DIP2C: variants seen among roughly 807,000 people sequenced by gnomAD.
DIP2C encodes the protein disco-interacting protein 2 homolog C.
Under a neutral mutation model 192.4 loss-of-function variants are expected in DIP2C, and 33 were observed. The observed-to-expected ratio is 0.17, with a 90% CI of 0.13 to 0.23. The LOEUF (loss-of-function observed/expected upper bound fraction) is 0.23. Among genes scored for constraint, DIP2C ranks in the 10% least tolerant of loss-of-function variants. DIP2C has a pLI of 1.00. For missense variants in DIP2C, 1,537 were observed against 2,110.1 expected (o/e 0.73, Z 5.32); for synonymous variants, 979 against 864.1 (o/e 1.13, Z -2.33).
At chr10:357,241 C>CA (rs1363654621) in intron 23 of DIP2C, among the ~76,000 whole-genome samples, 1 of 152,228 alleles carries the variant, frequency 6.6e-6, no homozygotes, top group Non-Finnish European at 1.5e-5. Flanking sequence ...GCACAATGTG[C>CA]AAAGTCTGGG....
chr10:601,616 AC>A (rs1360928580), intron 1 of DIP2C, among the ~76,000 whole-genome samples: 1 of 152,184 alleles, frequency 6.6e-6, no homozygotes, highest in African/African-American at 2.4e-5. Flanking sequence ...GCCCACCCTA[AC>A]TGTCCTCTGT....
At chr10:388,135 G>C (rs1051002382) in intron 13 of DIP2C, among the ~76,000 whole-genome samples, 1 of 152,058 alleles carries the variant, frequency 6.6e-6, no homozygotes, top group African/African-American at 2.4e-5. Context: ...TTCCTCATGA[G>C]TCTCCCAGGA....
chr10:494,069 C>T (rs991038033), intron 1 of DIP2C, among the ~76,000 whole-genome samples: 21 of 152,298 alleles, frequency 1.4e-4, no homozygotes, highest in African/African-American at 4.3e-4. Flanking sequence ...TGGACCACCC[C>T]GAGGTGAGTG....
intron 32 of DIP2C, among the ~76,000 whole-genome samples, chr10:302,105 A>G (rs568155110): frequency 6.6e-6 from 1 of 152,240 alleles, no homozygotes; most frequent in Admixed American, 6.5e-5. Flanking sequence ...AAAACTATAA[A>G]CTAATAAGAA....
intron 1 of DIP2C, among the ~76,000 whole-genome samples, chr10:492,635 A>T (rs1040086866): frequency 1.3e-5 from 2 of 152,216 alleles, no homozygotes; most frequent in African/African-American, 4.8e-5. Context: ...CAAATATTTA[A>T]TTAACGGTAG....
At chr10:340,750 C>G in intron 29 of DIP2C, 1 of 457,584 alleles carries the variant, frequency 2.2e-6, no homozygotes, top group Non-Finnish European at 4.4e-6. Flanking sequence ...TGCCGCACCC[C>G]AGGGAACGCT....
At chr10:470,634 C>T (rs964729566) in intron 3 of DIP2C, among the ~76,000 whole-genome samples, 5 of 152,108 alleles carry the variant, frequency 3.3e-5, no homozygotes, top group African/African-American at 9.7e-5. Flanking sequence ...TGGCATGATC[C>T]GAAGGTAAAC....
intron 17 of DIP2C, among the ~76,000 whole-genome samples, chr10:382,248 C>G (rs1243258770): frequency 2.0e-5 from 3 of 152,116 alleles, no homozygotes; most frequent in Admixed American, 6.5e-5. Flanking sequence ...CCAGTAAATC[C>G]CACAGCACAT....
chr10:627,182 A>C (rs1035277288), intron 1 of DIP2C, among the ~76,000 whole-genome samples: 1 of 152,168 alleles, frequency 6.6e-6, no homozygotes, highest in Non-Finnish European at 1.5e-5. Flanking sequence ...CCTGCCCCAC[A>C]CACCAGGACT....
chr10:328,351 C>G (rs1957363777), intron 30 of DIP2C, among the ~76,000 whole-genome samples: 1 of 152,164 alleles, frequency 6.6e-6, no homozygotes, highest in Non-Finnish European at 1.5e-5. Flanking sequence ...AGCCTAAGAA[C>G]CTGGAAAGGT....
At chr10:516,934 G>A (rs1023891041) in intron 1 of DIP2C, among the ~76,000 whole-genome samples, 2 of 150,982 alleles carry the variant, frequency 1.3e-5, no homozygotes, top group Non-Finnish European at 3.0e-5. Flanking sequence ...TCCAGGCCCG[G>A]GGCCATCATC....
At chr10:455,261 G>A (rs900831387) in intron 3 of DIP2C, among the ~76,000 whole-genome samples, 1 of 152,146 alleles carries the variant, frequency 6.6e-6, no homozygotes, top group African/African-American at 2.4e-5. Context: ...GTCCCTGCCT[G>A]AGGAGTGGCC....
intron 1 of DIP2C, among the ~76,000 whole-genome samples, chr10:640,716 TGCGCGCGGGGAAGAGG>T (rs1855135606): frequency 8.0e-6 from 1 of 125,624 alleles, no homozygotes; most frequent in South Asian, 2.3e-4. Flanking sequence ...GGGAAGAGGC[TGCGCGCGGGGAAGAGG>T]GTGGGCGCCG....
chr10:503,362 C>A (rs1234811354), intron 1 of DIP2C, among the ~76,000 whole-genome samples: 1 of 152,220 alleles, frequency 6.6e-6, no homozygotes. Context: ...ATCGAACAGA[C>A]ACTTCAATGA....
chr10:624,218 G>A (rs1385813692), intron 1 of DIP2C, among the ~76,000 whole-genome samples: 2 of 152,218 alleles, frequency 1.3e-5, no homozygotes, highest in Non-Finnish European at 2.9e-5. Context: ...GGAAGGCCTG[G>A]GGCTCCCAGC....
intron 1 of DIP2C, among the ~76,000 whole-genome samples, chr10:584,566 G>A (rs1222706689): frequency 1.8e-5 from 2 of 110,782 alleles, no homozygotes; most frequent in East Asian, 2.9e-4. Context: ...CTAGTCTCGG[G>A]GCCCGCGACC....
At chr10:343,088 G>C (rs1958239018) in intron 28 of DIP2C, among the ~76,000 whole-genome samples, 1 of 152,158 alleles carries the variant, frequency 6.6e-6, no homozygotes. Context: ...AGGAGATCGA[G>C]AACATCCTGG....
rs570704809 is a variant in DIP2C at position 433,623 on chromosome 10, C to G, written c.394+7248G>C. 2.6e-5 allele frequency among the ~76,000 whole-genome samples: 4 copies of G among 152,218 alleles called. No homozygotes were observed. In the South Asian group the frequency reaches 8.3e-4, roughly 32 times the overall value. ...TTGAATCTGGGAGGCGGAGGTTGCA[C>G]TGAGATAAGATCGGGCTATTGCACT... On this transcript the variant is annotated intron_variant, in intron 4 of 36. Transcript: ENST00000280886.
At chr10:583,397 A>G (rs1393442920) in intron 1 of DIP2C, among the ~76,000 whole-genome samples, 2 of 152,376 alleles carry the variant, frequency 1.3e-5, no homozygotes, top group East Asian at 3.9e-4. Context: ...CCTGCATTAA[A>G]AGGCAATTCA....
Sources: gnomAD v4.1 joint callset for allele counts (sites outside exome capture counted in the v4.1 genomes callset) on GRCh38, gnomAD v4.1.1 for gene constraint, MANE v1.5 for transcripts, NCBI Gene and HGNC (gene_info 2026-07-23, HGNC 2026-07-21) for gene names.